OPRM1: variants seen among roughly 807,000 people sequenced by gnomAD.
OPRM1 encodes the protein opioid receptor mu 1, also known as mu-type opioid receptor.
OPRM1 carries 27 observed loss-of-function variants against 31.8 expected under a neutral mutation model. That is an observed-to-expected ratio of 0.85 (90% CI 0.63 to 1.17). The LOEUF (loss-of-function observed/expected upper bound fraction) is 1.17. OPRM1 is among the 50% of genes most tolerant of loss of function. The pLI is 0.00. For missense variants in OPRM1, 536 were observed against 511.1 expected (o/e 1.05, Z -0.47); for synonymous variants, 196 against 189.9 (o/e 1.03, Z -0.26).
chr6:154,136,258 T>A (rs1464260558), downstream of OPRM1, among the ~76,000 whole-genome samples: 3 of 152,150 alleles, frequency 2.0e-5, no homozygotes, highest in African/African-American at 7.2e-5. Flanking sequence ...CTTCCACGTC[T>A]CTATCTCCCC....
intron 3 of OPRM1, among the ~76,000 whole-genome samples, chr6:154,215,760 C>A (rs1778344662): frequency 6.6e-6 from 1 of 151,946 alleles, no homozygotes; most frequent in African/African-American, 2.4e-5. Context: ...AATGAAGAGC[C>A]CAGATACGAA....
At chr6:154,108,968 T>C (rs576011659) in intron 3 of OPRM1, 4 of 984,536 alleles carry the variant, frequency 4.1e-6, no homozygotes, top group Non-Finnish European at 4.8e-6. Context: ...AAATAAGTCA[T>C]GGGGATTTTA....
At chr6:154,093,424 G>A (rs1360084253) in intron 3 of OPRM1, 9 of 1,613,810 alleles carry the variant, frequency 5.6e-6, no homozygotes, top group Non-Finnish European at 6.8e-6. Flanking sequence ...AGCCCGTCTG[G>A]TGGAGCATTT....
chr6:154,208,059 A>G (rs1000401305), intron 3 of OPRM1, among the ~76,000 whole-genome samples: 2 of 152,090 alleles, frequency 1.3e-5, no homozygotes, highest in African/African-American at 4.8e-5. Context: ...CCCACTTCCC[A>G]GTGTCTGTTG....
intron 3 of OPRM1, among the ~76,000 whole-genome samples, chr6:154,147,969 A>G (rs1380830101): frequency 6.6e-6 from 1 of 152,166 alleles, no homozygotes; most frequent in African/African-American, 2.4e-5. Context: ...TTTTTTGTAA[A>G]GTATACTATA....
At chr6:154,222,837 C>T in intron 3 of OPRM1, 1 of 317,594 alleles carries the variant, frequency 3.1e-6, no homozygotes, top group Non-Finnish European at 6.1e-6. Context: ...TATTTAACTG[C>T]TTGTTTTTTC....
rs553538502 is a variant in OPRM1 at position 154,117,530 on chromosome 6, C to T, written c.1165-1153C>T. The stretch of plus-strand genomic sequence containing the variant: ...AGACTGCAGTACACACACAGTGGGT[C>T]GTATCACAGTTGAGGAACCCAGAGC... On this transcript the variant is annotated intron_variant, in intron 3 of 3. Coordinates refer to ENST00000330432, the MANE Select transcript of OPRM1 (RefSeq NM_000914.5). 3.9e-4 allele frequency among the ~76,000 whole-genome samples: 59 copies of T among 152,248 alleles called. No individual in the cohort carries two copies. In the Middle Eastern group the frequency reaches 0.01, roughly 26 times the overall value.
chr6:154,120,530 G>A lies in OPRM1; in HGVS notation c.*1809G>A, dbSNP rs938544076. 1.3e-5 allele frequency among the ~76,000 whole-genome samples: 2 copies of A among 151,936 alleles called. No homozygotes were observed. Among genetic ancestry groups the A allele is most frequent in the South Asian group, 2.1e-4 (1 of 4,822 alleles). Reference sequence around the variant, plus strand: ...TTTCTGACAAAAGTAACTAAAACTAGGACCTTAAAAAGATTTAGAATGTTA... The same window carrying A: ...TTTCTGACAAAAGTAACTAAAACTAAGACCTTAAAAAGATTTAGAATGTTA... On this transcript the variant is annotated 3_prime_UTR_variant, in exon 4 of 4. Transcript: ENST00000330432.
chr6:154,172,364 C>T (rs936241089), intron 3 of OPRM1, among the ~76,000 whole-genome samples: 10 of 152,192 alleles, frequency 6.6e-5, no homozygotes, highest in East Asian at 1.9e-4. Context: ...CACAAGGGGT[C>T]GGGGGATTTC....
At chr6:154,195,019 C>CT in intron 3 of OPRM1, among the ~76,000 whole-genome samples, 1 of 152,182 alleles carries the variant, frequency 6.6e-6, no homozygotes, top group East Asian at 1.9e-4. Flanking sequence ...AACCCCTCAT[C>CT]TCCCCTTCCT....
intron 3 of OPRM1, among the ~76,000 whole-genome samples, chr6:154,239,273 T>C (rs1304139395): frequency 1.3e-5 from 2 of 152,300 alleles, no homozygotes; most frequent in East Asian, 3.9e-4. Context: ...CAACTACAGA[T>C]AATGTGGCCA....
chr6:154,090,110 G>T lies in OPRM1; in HGVS notation c.575G>T (p.Cys192Phe), dbSNP rs62638690. The T allele has an allele frequency of 6.7e-3, 10,756 of 1,614,054 alleles. 47 individuals carry two copies. Among genetic ancestry groups the T allele is most frequent in the Non-Finnish European group, 7.3e-3 (8,644 of 1,179,958 alleles). ...TPRNAKIINVCNWILSSAIGL... is the reference protein window; with the variant it reads ...TPRNAKIINVFNWILSSAIGL... ...CGAAATGCCAAAATTATCAATGTCT[G>T]CAACTGGATCCTCTCTTCAGCCATT... The change falls in exon 2 of 4, where the codon TGC becomes TTC. Residue 192 changes from cysteine (C) to phenylalanine (F), a missense_variant. Coordinates refer to ENST00000330432, the MANE Select transcript of OPRM1 (RefSeq NM_000914.5).
At chr6:154,198,642 A>ACACACACACG (rs1245491963) in intron 3 of OPRM1, among the ~76,000 whole-genome samples, 1 of 150,786 alleles carries the variant, frequency 6.6e-6, no homozygotes, top group Non-Finnish European at 1.5e-5. Context: ...ACACACACAC[A>ACACACACACG]CACACACACA....
intron 1 of OPRM1, among the ~76,000 whole-genome samples, chr6:154,071,784 C>A (rs1487728505): frequency 6.6e-6 from 1 of 152,032 alleles, no homozygotes; most frequent in Non-Finnish European, 1.5e-5. Flanking sequence ...TGGTCAATGA[C>A]AATAAGAAGC....
chr6:154,204,937 C>T (rs1225458839), intron 3 of OPRM1, among the ~76,000 whole-genome samples: 1 of 152,230 alleles, frequency 6.6e-6, no homozygotes, highest in Non-Finnish European at 1.5e-5. Flanking sequence ...TTTCTAGCCA[C>T]ACTGGCCTTC....
intron 3 of OPRM1, among the ~76,000 whole-genome samples, chr6:154,161,959 C>T (rs1239494640): frequency 6.6e-6 from 1 of 152,162 alleles, no homozygotes; most frequent in Non-Finnish European, 1.5e-5. Flanking sequence ...CTCTTCTCAT[C>T]TCAAACCCCC....
chr6:154,059,566 A>G (rs1302096965), intron 1 of OPRM1, among the ~76,000 whole-genome samples: 2 of 151,478 alleles, frequency 1.3e-5, no homozygotes, highest in Non-Finnish European at 2.9e-5. Context: ...ACTTACATTC[A>G]TGATCCTTTT....
At chr6:154,207,212 G>A (rs548599047) in intron 3 of OPRM1, among the ~76,000 whole-genome samples, 64 of 152,340 alleles carry the variant, frequency 4.2e-4, no homozygotes, top group Non-Finnish European at 6.8e-4. Context: ...TGACTGCCAG[G>A]AGAGCAGGCT....
At chr6:154,078,304 A>C (rs1788319946) in intron 1 of OPRM1, among the ~76,000 whole-genome samples, 3 of 152,000 alleles carry the variant, frequency 2.0e-5, no homozygotes. Flanking sequence ...GTTACCTAAT[A>C]GGTACTTAGC....
Sources: allele counts gnomAD v4.1 joint callset (sites outside exome capture counted in the v4.1 genomes callset), GRCh38; gene constraint gnomAD v4.1.1; transcripts MANE v1.5; gene names NCBI Gene and HGNC (gene_info 2026-07-23, HGNC 2026-07-21).